Variants in ROBO1 observed in about 807,000 individuals in gnomAD.
The protein encoded by ROBO1 is roundabout guidance receptor 1.
In ROBO1, 149 loss-of-function variants were observed where a neutral mutation model predicts 195.9. The ratio of observed to expected loss-of-function variants is 0.76; its 90% confidence interval spans 0.67 to 0.87. The LOEUF is 0.87. ROBO1 is among the 40% of genes least tolerant of loss of function. ROBO1 has a pLI of 0.00. For synonymous variants in ROBO1, 816 were observed against 733.2 expected (o/e 1.11, Z -1.82); for missense variants, 1,933 against 2,068.3 (o/e 0.93, Z 1.27).
intron 2 of ROBO1, among the ~76,000 whole-genome samples, chr3:79,366,210 C>T (rs1042289868): frequency 6.6e-6 from 1 of 151,922 alleles, no homozygotes; most frequent in Non-Finnish European, 1.5e-5. Context: ...TTAGGGTGAT[C>T]GAATAATGGA....
At chr3:79,584,747 A>G (rs1223760928) in intron 2 of ROBO1, among the ~76,000 whole-genome samples, 2 of 150,740 alleles carry the variant, frequency 1.3e-5, no homozygotes, top group African/African-American at 4.9e-5. Context: ...GCCCTCTGCA[A>G]CCTTCACTAA....
chr3:79,454,159 C>G (rs535621795), intron 2 of ROBO1, among the ~76,000 whole-genome samples: 1 of 138,136 alleles, frequency 7.2e-6, no homozygotes, highest in Non-Finnish European at 1.5e-5. Context: ...CAAAACATTA[C>G]GCAGAGCTTG....
intron 5 of ROBO1, among the ~76,000 whole-genome samples, chr3:78,725,911 T>C (rs1324244725): frequency 2.8e-5 from 4 of 144,634 alleles, no homozygotes; most frequent in Admixed American, 2.2e-4. Context: ...AGTCAGATGA[T>C]TTGCAGTATC....
chr3:78,832,250 T>C (rs750687288), intron 4 of ROBO1, among the ~76,000 whole-genome samples: 4 of 152,202 alleles, frequency 2.6e-5, no homozygotes, highest in Non-Finnish European at 1.5e-5. Context: ...ACATCTTAAA[T>C]TGCTGGTTCT....
At chr3:79,351,490 T>C (rs1426267115) in intron 2 of ROBO1, among the ~76,000 whole-genome samples, 1 of 152,188 alleles carries the variant, frequency 6.6e-6, no homozygotes, top group East Asian at 1.9e-4. Context: ...TTTTTGTTTG[T>C]TTATTTTTAA....
intron 1 of ROBO1, among the ~76,000 whole-genome samples, chr3:79,743,810 G>T: frequency 6.6e-6 from 1 of 152,058 alleles, no homozygotes; most frequent in Non-Finnish European, 1.5e-5. Flanking sequence ...CAGGATCCGG[G>T]TCATCAATAT....
At chr3:78,711,358 C>T (rs147923291) in intron 8 of ROBO1, among the ~76,000 whole-genome samples, 23,744 of 62,294 alleles carry the variant, frequency 0.38, 3,473 homozygotes, top group East Asian at 0.45. Context: ...CTCCTTCCTT[C>T]CTTCCTTCCT....
chr3:79,140,672 C>G (rs143382383), intron 2 of ROBO1, among the ~76,000 whole-genome samples: 1,535 of 152,204 alleles, frequency 0.01, 24 homozygotes, highest in African/African-American at 0.033. Flanking sequence ...TTGCCTCCTG[C>G]AATGAGAAAA....
intron 4 of ROBO1, among the ~76,000 whole-genome samples, chr3:78,924,128 G>A (rs2039087594): frequency 6.6e-6 from 1 of 151,938 alleles, no homozygotes; most frequent in Non-Finnish European, 1.5e-5. Context: ...ATAGCTATGA[G>A]AAATGGTGCT....
intron 2 of ROBO1, among the ~76,000 whole-genome samples, chr3:79,406,913 T>C (rs1271215717): frequency 6.6e-6 from 1 of 152,040 alleles, no homozygotes; most frequent in Non-Finnish European, 1.5e-5. Context: ...CATTTCTTTT[T>C]CTTTTTCTTT....
chr3:79,086,842 T>C (rs1280621430), intron 3 of ROBO1, among the ~76,000 whole-genome samples: 2 of 152,168 alleles, frequency 1.3e-5, no homozygotes, highest in African/African-American at 4.8e-5. Context: ...CAATGTTATG[T>C]AATTATGGAT....
At chr3:78,719,396 C>CA (rs879565871) in intron 5 of ROBO1, among the ~76,000 whole-genome samples, 128 of 151,392 alleles carry the variant, frequency 8.5e-4, no homozygotes, top group East Asian at 2.3e-3. Context: ...AAACGTCACA[C>CA]AAAAAAAACA....
chr3:79,642,844 A>T (rs2106681577), intron 1 of ROBO1, among the ~76,000 whole-genome samples: 1 of 152,296 alleles, frequency 6.6e-6, no homozygotes, highest in South Asian at 2.1e-4. Flanking sequence ...AGGTAGAATT[A>T]AGTACCTGGA....
At chr3:79,347,891 C>G (rs1251801960) in intron 2 of ROBO1, among the ~76,000 whole-genome samples, 1 of 152,062 alleles carries the variant, frequency 6.6e-6, no homozygotes, top group East Asian at 1.9e-4. Context: ...GCCTTAATAC[C>G]AAATGTAGTA....
intron 8 of ROBO1, among the ~76,000 whole-genome samples, chr3:78,701,732 T>C (rs2081425572): frequency 6.6e-6 from 1 of 151,984 alleles, no homozygotes; most frequent in Non-Finnish European, 1.5e-5. Flanking sequence ...AAACGGCCTA[T>C]CTATCAGGTT....
chr3:79,262,664 G>A (rs1047171636), intron 2 of ROBO1, among the ~76,000 whole-genome samples: 10 of 151,932 alleles, frequency 6.6e-5, no homozygotes, highest in Admixed American at 3.9e-4. Flanking sequence ...AAAGTACAAA[G>A]AGAAATTGCT....
intron 4 of ROBO1, among the ~76,000 whole-genome samples, chr3:78,896,427 G>C (rs1212532458): frequency 6.6e-6 from 1 of 151,762 alleles, no homozygotes; most frequent in Non-Finnish European, 1.5e-5. Context: ...CACCCTAACT[G>C]ATCAATGTAC....
At chr3:78,686,014 T>C in intron 9 of ROBO1, 97 bp from the exon 10 acceptor site, 1 of 1,009,714 alleles carries the variant, frequency 9.9e-7, no homozygotes, top group Non-Finnish European at 1.4e-6. Flanking sequence ...AAAACATACA[T>C]ATAAAAGTAT....
intron 2 of ROBO1, among the ~76,000 whole-genome samples, chr3:79,174,124 C>T (rs1356302052): frequency 6.6e-6 from 1 of 152,070 alleles, no homozygotes; most frequent in Non-Finnish European, 1.5e-5. Flanking sequence ...TGGCAACCTG[C>T]TCAGGTCCCC....
Sources: allele counts gnomAD v4.1 joint callset (sites outside exome capture counted in the v4.1 genomes callset), GRCh38; gene constraint gnomAD v4.1.1; transcripts MANE v1.5; gene names NCBI Gene and HGNC (gene_info 2026-07-23, HGNC 2026-07-21).